Variants in CCDC60 observed in about 807,000 individuals in gnomAD.
CCDC60 encodes the protein coiled-coil domain containing 60, also known as coiled-coil domain-containing protein 60.
Under a neutral mutation model 63.5 loss-of-function variants are expected in CCDC60, and 54 were observed. The observed-to-expected ratio is 0.85, with a 90% CI of 0.68 to 1.07. The LOEUF is 1.07. CCDC60 is among the 50% of genes least tolerant of loss of function. The pLI is 0.00. For missense variants in CCDC60, 651 were observed against 684.3 expected, an observed-to-expected ratio of 0.95 and a Z score of 0.54; for synonymous variants, 206 against 238.8, an observed-to-expected ratio of 0.86 and a Z score of 1.27.
At chr12:119,340,261 A>G (rs1174355507) in intron 1 of CCDC60, among the ~76,000 whole-genome samples, 1 of 152,174 alleles carries the variant, frequency 6.6e-6, no homozygotes, top group Non-Finnish European at 1.5e-5. Flanking sequence ...TAGATGACTT[A>G]ATGTGGGTAA....
chr12:119,500,308 C>T (rs928131940), intron 6 of CCDC60, 140 bp downstream of exon 6: 6 of 651,344 alleles, frequency 9.2e-6, no homozygotes, highest in Non-Finnish European at 1.6e-5. Context: ...GAGCCACAGG[C>T]TGTTGGATGG....
At chr12:119,496,074 C>T (rs1380377777) in intron 5 of CCDC60, among the ~76,000 whole-genome samples, 1 of 152,088 alleles carries the variant, frequency 6.6e-6, no homozygotes, top group Non-Finnish European at 1.5e-5. Flanking sequence ...GAGAATGTGG[C>T]AGGAGGATCA....
chr12:119,470,698 A>G (rs1412954551), intron 2 of CCDC60, among the ~76,000 whole-genome samples: 5 of 152,160 alleles, frequency 3.3e-5, no homozygotes, highest in Non-Finnish European at 5.9e-5. Context: ...GGCCACCTTC[A>G]AACAGGGAAA....
chr12:119,348,061 A>T (rs1955615990), intron 1 of CCDC60, among the ~76,000 whole-genome samples: 1 of 152,244 alleles, frequency 6.6e-6, no homozygotes, highest in South Asian at 2.1e-4. Context: ...GAAAATGCCC[A>T]AAAGGCAATT....
Position 119,360,649 on chromosome 12 carries a change from C to T in CCDC60, c.90+25383C>T, listed in dbSNP as rs370574740. Among the ~76,000 whole-genome samples the T allele has an allele frequency of 5.6e-4, 84 of 151,020 alleles. No individual in the cohort carries two copies. In the East Asian group the frequency reaches 0.01, roughly 18 times the overall value. On this transcript the variant is annotated intron_variant, in intron 1 of 13. Coordinates refer to ENST00000327554, the MANE Select transcript of CCDC60 (RefSeq NM_178499.5). The stretch of plus-strand genomic sequence containing the variant: ...GCAGAGGCGTTCCCCACATCCCAGA[C>T]GATGGGCGGCGGGGCAGAGACACTC...
At chr12:119,458,259 G>T (rs895897631) in intron 2 of CCDC60, among the ~76,000 whole-genome samples, 1 of 152,120 alleles carries the variant, frequency 6.6e-6, no homozygotes, top group African/African-American at 2.4e-5. Flanking sequence ...GCAAGAGCAG[G>T]ACATCCCTGA....
At chr12:119,450,445 T>C (rs1407232855) in intron 2 of CCDC60, among the ~76,000 whole-genome samples, 2 of 151,922 alleles carry the variant, frequency 1.3e-5, no homozygotes, top group Non-Finnish European at 2.9e-5. Flanking sequence ...AAAGGATGAG[T>C]AGAAGTTTGC....
chr12:119,374,086 G>A (rs967991989), intron 1 of CCDC60, among the ~76,000 whole-genome samples: 4 of 152,024 alleles, frequency 2.6e-5, no homozygotes, highest in African/African-American at 4.8e-5. Context: ...ATGCTGAAGA[G>A]GCAGTTTTCT....
chr12:119,435,135 T>G (rs1950301790), intron 2 of CCDC60, among the ~76,000 whole-genome samples: 1 of 152,162 alleles, frequency 6.6e-6, no homozygotes, highest in South Asian at 2.1e-4. Flanking sequence ...TGCATCCACA[T>G]TCTACAATGA....
At chr12:119,504,048 C>T (rs1210502594) in intron 6 of CCDC60, among the ~76,000 whole-genome samples, 1 of 152,114 alleles carries the variant, frequency 6.6e-6, no homozygotes, top group African/African-American at 2.4e-5. Context: ...ATTCTTCCCC[C>T]TTGTAAACCT....
Position 119,523,796 on chromosome 12 carries a change from G to A in CCDC60, c.1207G>A (p.Asp403Asn). 1 of 1,614,144 alleles carries A rather than the reference G, an allele frequency of 6.2e-7. No homozygotes were observed. The highest frequency in any genetic ancestry group is 8.5e-7 in the Non-Finnish European group (1 of 1,180,002). ...CCAGGAGGCTGGCTTCTGCCTGCAG[G>A]ACAAGATGGAAATCCTCATGAAGTA... ...VAQEAGFCLQ[D>N]KMEILMKRQE... Residue 403 changes from aspartate to asparagine, a missense_variant, in exon 11 of 14, where the codon GAC becomes AAC. Asp to Asn is a conservative substitution (Grantham distance 23). Transcript: ENST00000327554.
At chr12:119,335,292 A>G (rs921137700) in intron 1 of CCDC60, 26 bp downstream of exon 1, 1 of 1,525,900 alleles carries the variant, frequency 6.6e-7, no homozygotes, top group Non-Finnish European at 8.9e-7. Context: ...GCTGAAACCA[A>G]TCATGTTTTC....
intron 1 of CCDC60, among the ~76,000 whole-genome samples, chr12:119,343,403 A>G (rs1270385505): frequency 6.6e-6 from 1 of 152,054 alleles, no homozygotes; most frequent in East Asian, 1.9e-4. Context: ...TAGGTTCAGC[A>G]TTGTCAGGGG....
At chr12:119,485,437 A>C (rs1566035861) in intron 4 of CCDC60, among the ~76,000 whole-genome samples, 1 of 152,186 alleles carries the variant, frequency 6.6e-6, no homozygotes, top group Non-Finnish European at 1.5e-5. Flanking sequence ...AAACTACTAG[A>C]CTGGGTGGCT....
intron 8 of CCDC60, 49 bp downstream of exon 8, chr12:119,516,756 T>C: frequency 7.7e-7 from 1 of 1,304,856 alleles, no homozygotes; most frequent in Non-Finnish European, 1.1e-6. Flanking sequence ...ATAATAGCAA[T>C]CACATTAACA....
intron 1 of CCDC60, among the ~76,000 whole-genome samples, chr12:119,426,488 T>G (rs1356988970): frequency 6.6e-6 from 1 of 152,146 alleles, no homozygotes; most frequent in Non-Finnish European, 1.5e-5. Flanking sequence ...CCTGAGCAGC[T>G]GGGATTACAG....
At chr12:119,431,773 G>A (rs1950233621) in intron 2 of CCDC60, among the ~76,000 whole-genome samples, 1 of 152,174 alleles carries the variant, frequency 6.6e-6, no homozygotes, top group Non-Finnish European at 1.5e-5. Flanking sequence ...CCGCCTCCCG[G>A]GTTCACGCCA....
At chr12:119,360,928 G>A (rs12809160) in intron 1 of CCDC60, among the ~76,000 whole-genome samples, 1 of 152,168 alleles carries the variant, frequency 6.6e-6, no homozygotes, top group African/African-American at 2.4e-5. Flanking sequence ...GCGGTTAGGA[G>A]CTGGAGACCA....
intron 1 of CCDC60, among the ~76,000 whole-genome samples, chr12:119,397,185 G>A (rs1463013014): frequency 3.3e-5 from 5 of 152,168 alleles, no homozygotes; most frequent in Non-Finnish European, 5.9e-5. Context: ...GCTCATAAAG[G>A]TGTTGCAAAC....
Sources: gnomAD v4.1 joint callset for allele counts (sites outside exome capture counted in the v4.1 genomes callset) on GRCh38, gnomAD v4.1.1 for gene constraint, MANE v1.5 for transcripts, NCBI Gene and HGNC (gene_info 2026-07-23, HGNC 2026-07-21) for gene names.